The following ASB4 variants were observed in gnomAD, a reference collection of about 807,000 sequenced individuals.
ASB4 encodes ankyrin repeat and SOCS box containing 4, also known as ankyrin repeat and SOCS box protein 4.
ASB4 carries 35 observed loss-of-function variants against 38.6 expected under a neutral mutation model. That is an observed-to-expected ratio of 0.91 (90% CI 0.69 to 1.20). ASB4 has a LOEUF of 1.20. Ranked by LOEUF, ASB4 falls within the 50% of genes most tolerant of loss-of-function variation. The probability of loss-of-function intolerance (pLI) is 0.00; values close to 1 mark genes in which losing one functional copy is unlikely to be tolerated. For synonymous variants in ASB4, 195 were observed against 201.3 expected (o/e 0.97, Z 0.26); for missense variants, 557 against 527.2 (o/e 1.06, Z -0.55).
At chr7:95,472,462 A>G in the ASB4 span, among the ~76,000 whole-genome samples, 3 of 152,194 alleles carry the variant, frequency 2.0e-5, no homozygotes, top group African/African-American at 7.2e-5. Context: ...TGTACACACT[A>G]GTAACTCCAA....
chr7:95,545,154 GT>G (rs905841178), downstream of ASB4, among the ~76,000 whole-genome samples: 8 of 152,088 alleles, frequency 5.3e-5, no homozygotes, highest in African/African-American at 1.9e-4. Context: ...GCTCCTGGCA[GT>G]TTGGCCTAAA....
At chr7:95,536,416 A>G in intron 3 of ASB4, 21 bp from the exon 4 acceptor site, 4 of 1,479,274 alleles carry the variant, frequency 2.7e-6, no homozygotes, top group Non-Finnish European at 1.9e-6. Context: ...AAACAGATGA[A>G]ACTCTGTGCT....
intron 4 of ASB4, 83 bp from the exon 5 acceptor site, chr7:95,537,488 A>G: frequency 8.2e-7 from 1 of 1,215,724 alleles, no homozygotes; most frequent in Non-Finnish European, 1.2e-6. Flanking sequence ...TTACGTATAG[A>G]GGTTAGTTGC....
At chr7:95,540,421 A>G (rs1391197961), downstream of ASB4, among the ~76,000 whole-genome samples, 1 of 152,222 alleles carries the variant, frequency 6.6e-6, no homozygotes, top group Non-Finnish European at 1.5e-5. Context: ...TGGCCAAAAC[A>G]CAAATACAAT....
At chr7:95,486,233 C>A (rs1585793071) in intron 1 of ASB4, 75 bp downstream of exon 1, 5 of 1,117,734 alleles carry the variant, frequency 4.5e-6, no homozygotes, top group East Asian at 2.4e-5. Flanking sequence ...GTTATCCACT[C>A]TAAACAGTAG....
chr7:95,536,433 G>T lies in ASB4; in HGVS notation c.979-4G>T, dbSNP rs773346101. 10 of 1,584,464 alleles carry T rather than the reference G, an allele frequency of 6.3e-6. No homozygotes were observed. Among genetic ancestry groups the T allele is most frequent in the Admixed American group, 3.3e-5 (2 of 59,802 alleles). On this transcript the variant is annotated splice_polypyrimidine_tract_variant and splice_region_variant and intron_variant, in intron 3 of 4. Coordinates refer to ENST00000325885, the MANE Select transcript of ASB4 (RefSeq NM_016116.3). ...ACAGATGAAACTCTGTGCTTCCTCT[G>T]CAGGTGATACAGGCCTGCCATTCTT... is the stretch of plus-strand genomic sequence containing the variant.
At chr7:95,533,570 C>T (rs1004672430) in intron 3 of ASB4, among the ~76,000 whole-genome samples, 6 of 152,324 alleles carry the variant, frequency 3.9e-5, no homozygotes, top group African/African-American at 1.4e-4. Flanking sequence ...TCATGACCCC[C>T]TTGATAATCT....
At chr7:95,491,010 T>C (rs1790163408) in intron 1 of ASB4, among the ~76,000 whole-genome samples, 1 of 152,226 alleles carries the variant, frequency 6.6e-6, no homozygotes, top group African/African-American at 2.4e-5. Flanking sequence ...CTGTGGGTAC[T>C]TGTTATATGA....
chr7:95,513,253 GTT>G (rs536945120), intron 2 of ASB4, among the ~76,000 whole-genome samples: 25,389 of 76,932 alleles, frequency 0.33, 3,786 homozygotes, highest in Non-Finnish European at 0.4. Context: ...TTTTTTGTTT[GTT>G]TTTTTTTTTT....
chr7:95,498,004 T>C (rs939851496), intron 2 of ASB4, among the ~76,000 whole-genome samples: 3 of 152,168 alleles, frequency 2.0e-5, no homozygotes, highest in African/African-American at 4.8e-5. Context: ...GCATACAGGT[T>C]TTTATGTGGA....
Position 95,485,981 on chromosome 7 carries a change from A to C in ASB4, c.10A>C (p.Thr4Pro), listed in dbSNP as rs1323497713. 11 of 1,613,634 alleles carry C rather than the reference A, an allele frequency of 6.8e-6. No homozygotes were observed. The highest frequency in any genetic ancestry group is 9.3e-6 in the Non-Finnish European group (11 of 1,179,784). Residue 4 changes from threonine (T) to proline (P), a missense_variant, in exon 1 of 5, where the codon ACC becomes CCC. Coordinates refer to ENST00000325885, the MANE Select transcript of ASB4 (RefSeq NM_016116.3). ...CAGAGGGAGAGGAAGGATGGACGGCACCACTGCCCCTGTCACTAAATCTGG... is the reference window on the plus strand; with the variant it reads ...CAGAGGGAGAGGAAGGATGGACGGCCCCACTGCCCCTGTCACTAAATCTGG... Reference protein sequence around the residue: MDGTTAPVTKSGAA... With the variant: MDGPTAPVTKSGAA...
chr7:95,494,710 A>G (rs1158375946), intron 1 of ASB4, among the ~76,000 whole-genome samples: 1 of 152,216 alleles, frequency 6.6e-6, no homozygotes, highest in Non-Finnish European at 1.5e-5. Context: ...TGACATAGAA[A>G]GAAGGTTTAT....
chr7:95,507,737 A>G (rs1217362600), intron 2 of ASB4, among the ~76,000 whole-genome samples: 4 of 152,142 alleles, frequency 2.6e-5, no homozygotes, highest in Non-Finnish European at 4.4e-5. Context: ...CAATTTCATG[A>G]TCATTACCAG....
chr7:95,528,543 G>T, intron 3 of ASB4: 1 of 1,425,784 alleles, frequency 7.0e-7, no homozygotes, highest in Non-Finnish European at 9.1e-7. Context: ...AATTTGTTTT[G>T]CCTTGTGTGA....
chr7:95,549,926 G>C, the ASB4 span, among the ~76,000 whole-genome samples: 1 of 152,166 alleles, frequency 6.6e-6, no homozygotes, highest in Non-Finnish European at 1.5e-5. Flanking sequence ...ATGGCAGCAA[G>C]GAGCACTGGT....
intron 2 of ASB4, among the ~76,000 whole-genome samples, chr7:95,510,677 A>C (rs1790467244): frequency 6.6e-6 from 1 of 152,186 alleles, no homozygotes; most frequent in Non-Finnish European, 1.5e-5. Flanking sequence ...GCTTCAGAGG[A>C]AAAGTAGTAA....
At chr7:95,531,767 A>C (rs1268170207) in intron 3 of ASB4, among the ~76,000 whole-genome samples, 1 of 152,102 alleles carries the variant, frequency 6.6e-6, no homozygotes, top group African/African-American at 2.4e-5. Flanking sequence ...CCTAGTGTTC[A>C]CTTTTCTCCT....
intron 3 of ASB4, among the ~76,000 whole-genome samples, chr7:95,531,543 G>A (rs771150358): frequency 4.6e-5 from 7 of 152,282 alleles, no homozygotes; most frequent in Non-Finnish European, 1.0e-4. Context: ...GGTTAGCACG[G>A]TGCCATGGGC....
intron 2 of ASB4, among the ~76,000 whole-genome samples, chr7:95,500,953 C>T (rs1021853031): frequency 1.3e-5 from 2 of 152,100 alleles, no homozygotes; most frequent in Non-Finnish European, 2.9e-5. Context: ...AGCTTACTCA[C>T]ATTTTCTATG....
Sources: allele counts gnomAD v4.1 joint callset (sites outside exome capture counted in the v4.1 genomes callset), GRCh38; gene constraint gnomAD v4.1.1; transcripts MANE v1.5; gene names NCBI Gene and HGNC (gene_info 2026-07-23, HGNC 2026-07-21).